Variants in MYPOP observed in about 807,000 individuals in gnomAD.
The protein encoded by MYPOP is Myb related transcription factor, partner of profilin.
In MYPOP, 21 loss-of-function variants were observed where a neutral mutation model predicts 25.7. The ratio of observed to expected loss-of-function variants is 0.82; its 90% CI spans 0.58 to 1.18. The LOEUF is 1.18. Among genes scored for constraint, MYPOP ranks in the 50% most tolerant of loss-of-function variants. MYPOP has a pLI of 0.00. For synonymous variants in MYPOP, 280 were observed against 247.9 expected, an observed-to-expected ratio of 1.13 and a Z score of -1.22; for missense variants, 566 against 588.3, an observed-to-expected ratio of 0.96 and a Z score of 0.39.
chr19:45,898,954 T>C lies in MYPOP; in HGVS notation c.499+2321A>G, dbSNP rs566164952. ...TAGAATGTCAGCTCCAGGTCGGGTG[T>C]GGTGGCTCACGCCTGTAATCCCAGC... On this transcript the variant is annotated intron_variant, in intron 2 of 2. Transcript: ENST00000322217. Among the ~76,000 whole-genome samples, 16 of 152,046 alleles carry C rather than the reference T, an allele frequency of 1.1e-4. No individual in the cohort carries two copies. The South Asian group carries it at 1.2e-3, about 12-fold the overall frequency.
Position 45,901,275 on chromosome 19 carries a change from C to T in MYPOP, c.499G>A (p.Asp167Asn). 4 of 1,447,198 alleles carry T rather than the reference C, an allele frequency of 2.8e-6. No individual in the cohort carries two copies. The highest frequency in any genetic ancestry group is 3.6e-6 in the Non-Finnish European group (4 of 1,101,032). 89.6% of individuals were successfully genotyped at this position (1,447,198 alleles called of 1,614,324 possible). A position where few individuals can be genotyped will look rare whatever the true frequency, so the allele number is the denominator to read the frequency against. Residue 167 changes from aspartate (D) to asparagine (N), a missense_variant and splice_region_variant, in exon 2 of 3, where the codon GAT becomes AAT. Coordinates refer to ENST00000322217, the MANE Select transcript of MYPOP (RefSeq NM_001012643.4). The surrounding 1 kb of genome is among the most constrained non-coding windows in gnomAD (Gnocchi z 5.7). ...SEDRREDRRA[D>N]TSAHSKAGSS... ...CACAGCCTACTCTGAAGACACTCAC[C>T]TGCACGTCGGTCCTCCCGGCGGTCT...
In MYPOP at chr19:45,890,893, C is replaced by A. The variant is rs1600563259; in HGVS notation, c.930G>T (p.Leu310=). 7.1e-7 allele frequency: 1 copy of A among 1,403,544 alleles called. No individual in the cohort carries two copies. The highest frequency in any genetic ancestry group is 9.3e-7 in the Non-Finnish European group (1 of 1,079,294). The allele number at this position is 1,403,544 out of a possible 1,614,324, so 86.9% of individuals were successfully genotyped here. Residue 310 remains leucine, a synonymous_variant, in exon 3 of 3, where the codon CTG becomes CTT. Transcript: ENST00000322217. The stretch of plus-strand genomic sequence containing the variant: ...GTGGCGGTGGGGGTGGGGGTGGGGG[C>A]AGAGGTGGAGGCAGGGAGTCAACTG... ...GTPVDSLPPP[L]PPPPPPPPPP...
rs1369107547 is a variant in MYPOP at position 45,901,866 on chromosome 19, TCC to T, written c.-52-43_-52-42del. The T allele has an allele frequency of 9.5e-7, 1 of 1,050,796 alleles. No homozygotes were observed. The highest frequency in any genetic ancestry group is 3.5e-5 in the East Asian group (1 of 28,412). 65.1% of individuals were successfully genotyped at this position (1,050,796 alleles called of 1,614,324 possible). On this transcript the variant is annotated intron_variant, in intron 1 of 2. Coordinates refer to ENST00000322217, the MANE Select transcript of MYPOP (RefSeq NM_001012643.4). The surrounding 1 kb of genome is among the most constrained non-coding windows in gnomAD (Gnocchi z 5.7). ...GCACGGGGCTGGCTGGGGTTCGGGGTCCCCCCGCCGCCGCCTCTCCCAGACCG... is the reference window on the plus strand; with the variant it reads ...GCACGGGGCTGGCTGGGGTTCGGGGTCCCCGCCGCCGCCTCTCCCAGACCG...
At chr19:45,897,565 G>A (rs1967223989) in intron 2 of MYPOP, among the ~76,000 whole-genome samples, 1 of 152,114 alleles carries the variant, frequency 6.6e-6, no homozygotes, top group South Asian at 2.1e-4. Flanking sequence ...GTTTGTTTTT[G>A]GTTGTTTTGA....
Position 45,890,366 on chromosome 19 carries a change from A to T in MYPOP, c.*257T>A. ...CACCCCACATAGGGCAATAATAAATAACATGAAATTGATGGCTTAGAAGTC... is the reference window on the plus strand; with the variant it reads ...CACCCCACATAGGGCAATAATAAATTACATGAAATTGATGGCTTAGAAGTC... On this transcript the variant is annotated 3_prime_UTR_variant, in exon 3 of 3. Transcript: ENST00000322217. 2 of 435,902 alleles carry T rather than the reference A, an allele frequency of 4.6e-6. No homozygotes were observed. Among genetic ancestry groups the T allele is most frequent in the Middle Eastern group, 6.2e-4 (1 of 1,624 alleles). 27.0% of individuals were successfully genotyped at this position (435,902 alleles called of 1,614,324 possible). A position where few individuals can be genotyped will look rare whatever the true frequency, so the allele number is the denominator to read the frequency against.
At chr19:45,894,468 C>G (rs1307689435) in intron 2 of MYPOP, among the ~76,000 whole-genome samples, 1 of 152,128 alleles carries the variant, frequency 6.6e-6, no homozygotes, top group African/African-American at 2.4e-5. Context: ...GGCTGGAGTG[C>G]AAAGGTGAGA....
At position 45,901,349 on chromosome 19, in the gene MYPOP, G is replaced by C; in HGVS notation, c.425C>G (p.Ser142Ter). The C allele has an allele frequency of 6.8e-7, 1 of 1,463,732 alleles. No homozygotes were observed. Among genetic ancestry groups the C allele is most frequent in the South Asian group, 1.4e-5 (1 of 69,778 alleles). 90.7% of individuals were successfully genotyped at this position (1,463,732 alleles called of 1,614,324 possible). A position where few individuals can be genotyped will look rare whatever the true frequency, so the allele number is the denominator to read the frequency against. Residue 142 changes from serine to a stop codon, truncating the protein, a stop_gained, in exon 2 of 3, where the codon TCA becomes TGA. Transcript: ENST00000322217. LOFTEE classifies it high-confidence loss of function. This position sits in a 1 kb window ranked among gnomAD's most constrained non-coding sequence, Gnocchi z 5.7. ...GAEEPPAAPSSQPPPPSACPQ... is the reference protein window; with the variant it reads ...GAEEPPAAPS ...GCAGGCGCTTGGGGGCGGCGGCTGT[G>C]AAGAGGGGGCCGCAGGGGGCTCCTC...
chr19:45,901,746 C>G lies in MYPOP; in HGVS notation c.28G>C (p.Glu10Gln). 1 of 1,496,326 alleles carries G rather than the reference C, an allele frequency of 6.7e-7. No individual in the cohort carries two copies. The highest frequency in any genetic ancestry group is 8.9e-7 in the Non-Finnish European group (1 of 1,125,590). 92.7% of individuals were successfully genotyped at this position (1,496,326 alleles called of 1,614,324 possible). A position where few individuals can be genotyped will look rare whatever the true frequency, so the allele number is the denominator to read the frequency against. Residue 10 changes from glutamate to glutamine, a missense_variant, in exon 2 of 3, where the codon GAG (glutamate) becomes CAG (glutamine). Physicochemically the swap from Glu to Gln is conservative, Grantham distance 29. Transcript: ENST00000322217. This position sits in a 1 kb window ranked among gnomAD's most constrained non-coding sequence, Gnocchi z 5.7. ...GGCTTGCGCAACCGGGTGGTTTCCTCCGCTTCGCCCGCCGCCGCCGAGGCC... is the reference window on the plus strand; with the variant it reads ...GGCTTGCGCAACCGGGTGGTTTCCTGCGCTTCGCCCGCCGCCGCCGAGGCC... MASAAAGEAEETTRLRKPRF... is the reference protein window; with the variant it reads MASAAAGEAQETTRLRKPRF...
intron 2 of MYPOP, among the ~76,000 whole-genome samples, chr19:45,892,920 G>C (rs116126393): frequency 0.018 from 2,805 of 152,252 alleles, 48 homozygotes; most frequent in East Asian, 0.082. Flanking sequence ...TAGGCTACGG[G>C]AAACAAGCTA....
intron 2 of MYPOP, among the ~76,000 whole-genome samples, chr19:45,900,660 G>A (rs916998769): frequency 6.6e-6 from 1 of 152,226 alleles, no homozygotes; most frequent in Non-Finnish European, 1.5e-5. Flanking sequence ...AGGCTAAGCA[G>A]GAAGTTTCTG....
In MYPOP at chr19:45,901,891, C is replaced by A; in HGVS notation, c.-52-66G>T. ...TCCCCCCGCCGCCGCCTCTCCCAGA[C>A]CGCCGGGCCGAGAGCTCCTTAGTCC... On this transcript the variant is annotated intron_variant, in intron 1 of 2. Coordinates refer to ENST00000322217, the MANE Select transcript of MYPOP (RefSeq NM_001012643.4). The surrounding 1 kb of genome is among the most constrained non-coding windows in gnomAD (Gnocchi z 5.7). 2 of 859,922 alleles carry A rather than the reference C, an allele frequency of 2.3e-6. No individual in the cohort carries two copies. The highest frequency in any genetic ancestry group is 3.1e-6 in the Non-Finnish European group (2 of 651,248). 53.3% of individuals were successfully genotyped at this position (859,922 alleles called of 1,614,324 possible). A position where few individuals can be genotyped will look rare whatever the true frequency, so the allele number is the denominator to read the frequency against.
chr19:45,894,663 T>C (rs1967176861), intron 2 of MYPOP, among the ~76,000 whole-genome samples: 1 of 152,078 alleles, frequency 6.6e-6, no homozygotes, highest in Non-Finnish European at 1.5e-5. Context: ...TCGTACACTT[T>C]GAGGTGATTG....
At chr19:45,897,190 G>A (rs184583236) in intron 2 of MYPOP, among the ~76,000 whole-genome samples, 4 of 151,846 alleles carry the variant, frequency 2.6e-5, no homozygotes, top group South Asian at 4.2e-4. Flanking sequence ...AGCCTCCCGA[G>A]GAGCTGGAAT....
chr19:45,895,481 T>C (rs562075135), intron 2 of MYPOP, among the ~76,000 whole-genome samples: 1 of 152,032 alleles, frequency 6.6e-6, no homozygotes. Flanking sequence ...CCCATCTCCT[T>C]CTTTTTTTCT....
chr19:45,895,756 T>C (rs977278728), intron 2 of MYPOP, among the ~76,000 whole-genome samples: 11 of 152,176 alleles, frequency 7.2e-5, no homozygotes, highest in Non-Finnish European at 2.9e-5. Context: ...AAGTCCAGCC[T>C]CTTCCCACGG....
intron 2 of MYPOP, among the ~76,000 whole-genome samples, chr19:45,898,546 C>A (rs539147881): frequency 6.6e-6 from 1 of 152,162 alleles, no homozygotes; most frequent in Admixed American, 6.5e-5. Context: ...TGGTCTCGAA[C>A]TCCCGACCTC....
chr19:45,898,548 C>A (rs1223077659), intron 2 of MYPOP, among the ~76,000 whole-genome samples: 1 of 152,002 alleles, frequency 6.6e-6, no homozygotes, highest in Non-Finnish European at 1.5e-5. Flanking sequence ...GTCTCGAACT[C>A]CCGACCTCAG....
chr19:45,894,267 C>T (rs1486696337), intron 2 of MYPOP, among the ~76,000 whole-genome samples: 2 of 151,148 alleles, frequency 1.3e-5, no homozygotes, highest in African/African-American at 4.9e-5. Context: ...TGCCCTCCAC[C>T]ACGCCCGGCT....
rs1380603800 is a variant in MYPOP at position 45,890,982 on chromosome 19, G to A, written c.841C>T (p.Arg281Ter). 2.7e-6 allele frequency: 4 copies of A among 1,506,694 alleles called. No individual in the cohort carries two copies. Among genetic ancestry groups the A allele is most frequent in the Non-Finnish European group, 3.6e-6 (4 of 1,124,198 alleles). 93.3% of individuals were successfully genotyped at this position (1,506,694 alleles called of 1,614,324 possible). ...TCGCTCAGTTTGGCCAGTCCCTGTC[G>A]AAGGGTGCCGGCCAGCTCCCGGATG... ...NAIRELAGTLRQGLAKLSEAL... is the reference protein window; with the variant it reads ...NAIRELAGTL The change falls in exon 3 of 3, where the codon CGA becomes TGA. Residue 281 changes from arginine (R) to a stop codon, truncating the protein, a stop_gained. Coordinates refer to ENST00000322217, the MANE Select transcript of MYPOP (RefSeq NM_001012643.4). LOFTEE classifies it high-confidence loss of function.
Sources: allele counts gnomAD v4.1 joint callset (sites outside exome capture counted in the v4.1 genomes callset), GRCh38; gene constraint gnomAD v4.1.1; non-coding constraint Gnocchi (gnomAD v3.1); transcripts MANE v1.5; gene names NCBI Gene and HGNC (gene_info 2026-07-23, HGNC 2026-07-21).